Variants in COL25A1 observed in about 807,000 individuals in gnomAD.
The protein encoded by COL25A1 is collagen alpha-1(XXV) chain.
In COL25A1, 103 loss-of-function variants were observed where a neutral mutation model predicts 128.4. The observed-to-expected ratio is 0.80, with a 90% CI of 0.68 to 0.94. COL25A1 has a LOEUF of 0.94. Ranked by LOEUF, COL25A1 falls within the 40% of genes least tolerant of loss-of-function variation. The pLI is 0.00. For missense variants in COL25A1, 745 were observed against 840.0 expected, an observed-to-expected ratio of 0.89 and a Z score of 1.40; for synonymous variants, 279 against 277.2, an observed-to-expected ratio of 1.01 and a Z score of -0.06.
At chr4:109,190,490 C>T (rs888082161) in intron 3 of COL25A1, among the ~76,000 whole-genome samples, 14 of 152,164 alleles carry the variant, frequency 9.2e-5, no homozygotes, top group African/African-American at 3.4e-4. Flanking sequence ...TATGCAATCC[C>T]ATTGTGGGGA....
rs546362934 is a variant in COL25A1, at chr4:108,918,209, A to G, written c.743T>C (p.Ile248Thr). Residue 248 changes from isoleucine to threonine, a missense_variant, in exon 13 of 38, where the codon ATT (isoleucine) becomes ACT (threonine). This residue lies in a region of COL25A1 where 319 missense variants were observed against 324.9 expected (regional missense o/e 0.98). Coordinates refer to ENST00000399132, the MANE Select transcript of COL25A1 (RefSeq NM_198721.4). ...PLGPPGQKGS[I>T]GAPGIPGMNG... Reference sequence around the variant, plus strand: ...CATCCCTGGAATTCCAGGTGCTCCAATAGAACCCTAAAGAGACACATGATT... The same window carrying G: ...CATCCCTGGAATTCCAGGTGCTCCAGTAGAACCCTAAAGAGACACATGATT... 5.6e-6 allele frequency: 9 copies of G among 1,598,522 alleles called. No individual in the cohort carries two copies. The East Asian group carries it at 1.8e-4, about 32-fold the overall frequency.
In COL25A1 at chr4:108,809,185, TA is replaced by T. The variant is rs200172396; in HGVS notation, c.*4741del. 1.5e-3 allele frequency: 169 copies of T among 110,450 alleles called. 2 individuals carry two copies. In the East Asian group the frequency reaches 0.039, roughly 25 times the overall value. The allele number at this position is 110,450 out of a possible 1,614,324, so 6.8% of individuals were successfully genotyped here. A position where few individuals can be genotyped will look rare whatever the true frequency, so the allele number is the denominator to read the frequency against. On this transcript the variant is annotated 3_prime_UTR_variant, in exon 38 of 38. Coordinates refer to ENST00000399132, the MANE Select transcript of COL25A1 (RefSeq NM_198721.4). ...ATATGCAGTGTAATGCTTGCCAAAATATTTTTTTTTGCATATTTCACTTATT... is the reference window on the plus strand; with the variant it reads ...ATATGCAGTGTAATGCTTGCCAAAATTTTTTTTTTGCATATTTCACTTATT...
chr4:108,848,376 A>G (rs760046526), intron 27 of COL25A1, among the ~76,000 whole-genome samples: 1 of 152,166 alleles, frequency 6.6e-6, no homozygotes, highest in Non-Finnish European at 1.5e-5. Flanking sequence ...AACATTGTCT[A>G]AAAAAGGCAT....
chr4:109,035,925 T>C (rs1180168729), intron 5 of COL25A1, among the ~76,000 whole-genome samples: 1 of 151,884 alleles, frequency 6.6e-6, no homozygotes, highest in Non-Finnish European at 1.5e-5. Context: ...TTTTTATTTT[T>C]ATTTATTTAT....
At chr4:108,895,246 A>G (rs1401888413) in intron 16 of COL25A1, among the ~76,000 whole-genome samples, 1 of 152,192 alleles carries the variant, frequency 6.6e-6, no homozygotes, top group Non-Finnish European at 1.5e-5. Context: ...CTATGTTTTT[A>G]TGACTAACCA....
intron 28 of COL25A1, 36 bp from the exon 29 acceptor site, chr4:108,845,287 A>G (rs781054412): frequency 1.4e-5 from 22 of 1,536,550 alleles, no homozygotes; most frequent in Middle Eastern, 1.7e-4. Flanking sequence ...AAGCAGGTAA[A>G]GTTATTTCCA....
At chr4:109,209,591 A>T (rs1452330933) in intron 3 of COL25A1, among the ~76,000 whole-genome samples, 2 of 152,228 alleles carry the variant, frequency 1.3e-5, no homozygotes, top group East Asian at 1.9e-4. Context: ...TAGTAACAAC[A>T]TTAATAAATT....
chr4:108,940,494 A>G, intron 10 of COL25A1, 45 bp downstream of exon 10: 2 of 1,531,126 alleles, frequency 1.3e-6, no homozygotes, highest in South Asian at 2.2e-5. Context: ...AGCCCTTAAC[A>G]TGAAGCAAAA....
intron 6 of COL25A1, among the ~76,000 whole-genome samples, chr4:109,002,262 C>T (rs4956239): frequency 0.8 from 121,055 of 152,150 alleles, 49,328 homozygotes; most frequent in East Asian, 1. Context: ...TCTGCATGCA[C>T]GTGTTCATTG....
chr4:109,063,620 T>C (rs1762172164), intron 3 of COL25A1, among the ~76,000 whole-genome samples: 1 of 151,878 alleles, frequency 6.6e-6, no homozygotes, highest in South Asian at 2.1e-4. Context: ...GGCAGGAGGA[T>C]CACTGCAACC....
chr4:108,934,533 A>C (rs1420004006), intron 11 of COL25A1, among the ~76,000 whole-genome samples: 1 of 152,208 alleles, frequency 6.6e-6, no homozygotes, highest in Non-Finnish European at 1.5e-5. Flanking sequence ...CCTCATGAAA[A>C]TTGCAGTTAT....
intron 5 of COL25A1, chr4:109,021,803 G>C (rs1388556433): frequency 6.6e-6 from 3 of 453,248 alleles, no homozygotes; most frequent in Non-Finnish European, 1.3e-5. Flanking sequence ...ACCGCTCTGG[G>C]AGTGTCTGTC....
At position 109,147,581 on chromosome 4, in the gene COL25A1, C is replaced by T. The variant is rs551272213; in HGVS notation, c.368-97402G>A. ...TCTGTAATCCCAGCACTTTGGGAGG[C>T]CAGGGAGGGCAGATCACTTGAGGTC... On this transcript the variant is annotated intron_variant, in intron 3 of 37. Transcript: ENST00000399132. 5.3e-5 allele frequency among the ~76,000 whole-genome samples: 8 copies of T among 152,158 alleles called. No individual in the cohort carries two copies. In the East Asian group the frequency reaches 1.5e-3, roughly 29 times the overall value.
intron 6 of COL25A1, 139 bp downstream of exon 6, chr4:109,010,219 G>T: frequency 1.4e-6 from 1 of 694,554 alleles, no homozygotes; most frequent in Non-Finnish European, 2.4e-6. Flanking sequence ...GTTTACTCCT[G>T]GGAAATATTT....
intron 3 of COL25A1, among the ~76,000 whole-genome samples, chr4:109,217,385 T>G (rs1244586013): frequency 2.0e-5 from 3 of 152,198 alleles, no homozygotes; most frequent in African/African-American, 7.2e-5. Context: ...CAGACAATAA[T>G]CATAATAATC....
intron 3 of COL25A1, among the ~76,000 whole-genome samples, chr4:109,218,945 T>C (rs2126207332): frequency 6.6e-6 from 1 of 152,242 alleles, no homozygotes; most frequent in South Asian, 2.1e-4. Context: ...CTCACAAAAC[T>C]TCTGTTTTCT....
At chr4:109,233,046 C>A (rs1779255661) in intron 3 of COL25A1, among the ~76,000 whole-genome samples, 1 of 152,094 alleles carries the variant, frequency 6.6e-6, no homozygotes, top group Admixed American at 6.6e-5. Flanking sequence ...AAAACTATTT[C>A]TGGGTTACTT....
chr4:109,179,749 AG>A (rs1295142396), intron 3 of COL25A1, among the ~76,000 whole-genome samples: 2 of 152,214 alleles, frequency 1.3e-5, no homozygotes, highest in African/African-American at 4.8e-5. Flanking sequence ...GAAACTTACT[AG>A]AAGTGTTCAT....
chr4:108,822,342 C>T (rs962621060), intron 35 of COL25A1, among the ~76,000 whole-genome samples: 3 of 152,020 alleles, frequency 2.0e-5, no homozygotes, highest in Non-Finnish European at 2.9e-5. Flanking sequence ...CCACGCCCGG[C>T]GGTAATATGT....
Sources: allele counts gnomAD v4.1 joint callset (sites outside exome capture counted in the v4.1 genomes callset), GRCh38; gene constraint gnomAD v4.1.1; regional missense constraint gnomAD v4.1.1; transcripts MANE v1.5; gene names NCBI Gene and HGNC (gene_info 2026-07-23, HGNC 2026-07-21).